Variants in ARHGEF10 observed in about 807,000 individuals in gnomAD.
ARHGEF10 encodes the protein Rho guanine nucleotide exchange factor (GEF) 10.
A neutral mutation model predicts 147.4 loss-of-function variants in ARHGEF10; 140 were observed. The ratio of observed to expected loss-of-function variants is 0.95; its 90% CI spans 0.83 to 1.09. The LOEUF is 1.09. ARHGEF10 is among the 50% of genes least tolerant of loss of function. ARHGEF10 has a pLI of 0.00. For synonymous variants in ARHGEF10, 902 were observed against 695.8 expected, an observed-to-expected ratio of 1.30 and a Z score of -4.67; for missense variants, 2,222 against 1,752.7, an observed-to-expected ratio of 1.27 and a Z score of -4.78.
At chr8:1,945,956 C>T (rs991645614) in intron 27 of ARHGEF10, 22 of 510,938 alleles carry the variant, frequency 4.3e-5, no homozygotes, top group African/African-American at 2.0e-4. Context: ...GGGTGGGAGA[C>T]GATTTCTCAT....
intron 18 of ARHGEF10, among the ~76,000 whole-genome samples, chr8:1,915,881 A>T (rs1028513218): frequency 6.6e-6 from 1 of 152,176 alleles, no homozygotes; most frequent in Non-Finnish European, 1.5e-5. Context: ...TGTATAGCTG[A>T]CCTGTGAACT....
intron 2 of ARHGEF10, among the ~76,000 whole-genome samples, chr8:1,856,741 G>A (rs1304553113): frequency 1.3e-5 from 2 of 152,170 alleles, no homozygotes; most frequent in African/African-American, 2.4e-5. Context: ...TGTGTTGGAG[G>A]GGCTTGGTTT....
intron 2 of ARHGEF10, among the ~76,000 whole-genome samples, chr8:1,845,470 G>A (rs879695639): frequency 1.3e-5 from 2 of 152,202 alleles, no homozygotes; most frequent in Admixed American, 6.5e-5. Flanking sequence ...ACATGCTGAG[G>A]AGGCGGGTAC....
intron 18 of ARHGEF10, among the ~76,000 whole-genome samples, chr8:1,911,372 A>G (rs987415488): frequency 5.3e-5 from 8 of 152,190 alleles, no homozygotes; most frequent in Middle Eastern, 3.2e-3. Flanking sequence ...TTTTTGCCCA[A>G]TGCCTTAAAC....
intron 11 of ARHGEF10, among the ~76,000 whole-genome samples, chr8:1,887,412 G>T (rs957899737): frequency 6.6e-6 from 1 of 152,208 alleles, no homozygotes; most frequent in Admixed American, 6.5e-5. Context: ...GGCGATGCCA[G>T]ACCCTGAGTG....
chr8:1,851,996 G>C (rs1418875701), intron 2 of ARHGEF10, among the ~76,000 whole-genome samples: 1 of 152,100 alleles, frequency 6.6e-6, no homozygotes, highest in African/African-American at 2.4e-5. Context: ...GAGGGGCCCT[G>C]TGGGTGTGGG....
chr8:1,900,836 C>T (rs149293866), intron 15 of ARHGEF10, among the ~76,000 whole-genome samples: 11 of 152,238 alleles, frequency 7.2e-5, no homozygotes, highest in East Asian at 1.9e-4. Context: ...CAGCTCTCCC[C>T]GTCCTCCTCC....
intron 1 of ARHGEF10, among the ~76,000 whole-genome samples, chr8:1,839,261 G>A (rs1183377580): frequency 7.1e-6 from 1 of 140,420 alleles, no homozygotes; most frequent in South Asian, 2.4e-4. Context: ...TCCGCTGTGG[G>A]TACTGTCTGG....
chr8:1,880,700 G>A (rs1037631921), intron 9 of ARHGEF10, among the ~76,000 whole-genome samples: 6 of 152,114 alleles, frequency 3.9e-5, no homozygotes, highest in East Asian at 1.9e-4. Flanking sequence ...GAGAACTGCC[G>A]GACCTGAGTG....
Position 1,928,482 on chromosome 8 carries a change from C to G in ARHGEF10, c.2753C>G (p.Ser918Cys). ...ATTGCCATCGTCTCGTTTCAAAATT[C>G]CACTCCCAAAGTCATTGAGTGCTTC... ...GQIAIVSFQNSTPKVIECFNV... is the reference protein window; with the variant it reads ...GQIAIVSFQNCTPKVIECFNV... Residue 918 changes from serine (S) to cysteine (C), a missense_variant, in exon 24 of 29, where the codon TCC (serine) becomes TGC (cysteine). Physicochemically the swap from Ser to Cys is moderately radical, Grantham distance 112. Coordinates refer to ENST00000349830, the MANE Select transcript of ARHGEF10 (RefSeq NM_014629.4). 2 of 1,569,780 alleles carry G rather than the reference C, an allele frequency of 1.3e-6. No individual in the cohort carries two copies. Among genetic ancestry groups the G allele is most frequent in the Non-Finnish European group, 1.7e-6 (2 of 1,153,410 alleles).
intron 11 of ARHGEF10, among the ~76,000 whole-genome samples, chr8:1,892,423 C>G (rs1474540161): frequency 6.6e-6 from 1 of 151,554 alleles, no homozygotes; most frequent in South Asian, 2.1e-4. Context: ...TGATTTTTGT[C>G]TTTTGCGAAT....
chr8:1,854,242 G>A (rs780455645), intron 2 of ARHGEF10, among the ~76,000 whole-genome samples: 7 of 152,114 alleles, frequency 4.6e-5, no homozygotes, highest in Non-Finnish European at 1.0e-4. Context: ...AGAGGGCGGC[G>A]CAGCCTCACC....
rs376504659 is a variant in ARHGEF10, at chr8:1,866,296, C to G, written c.546-230C>G. 3.9e-5 allele frequency among the ~76,000 whole-genome samples: 6 copies of G among 152,134 alleles called. No homozygotes were observed. In the East Asian group the frequency reaches 1.2e-3, roughly 29 times the overall value. On this transcript the variant is annotated intron_variant, in intron 5 of 28. Coordinates refer to ENST00000349830, the MANE Select transcript of ARHGEF10 (RefSeq NM_014629.4). ...GCCCTTGCCCGTGTTCTGTGCCGTG[C>G]GTAGGCCAAACATCTGGAATACTTA...
Position 1,866,740 on chromosome 8 carries a change from A to G in ARHGEF10, c.622+138A>G, listed in dbSNP as rs143081747. 148 of 902,964 alleles carry G rather than the reference A, an allele frequency of 1.6e-4. No homozygotes were observed. In the African/African-American group the frequency reaches 2.1e-3, roughly 13 times the overall value. 55.9% of individuals were successfully genotyped at this position (902,964 alleles called of 1,614,324 possible). ...ATGTTTATTTACTGAAAATAGTAACATGGGCTGACTGTGCAGAAGTTTCCC... is the reference window on the plus strand; with the variant it reads ...ATGTTTATTTACTGAAAATAGTAACGTGGGCTGACTGTGCAGAAGTTTCCC... On this transcript the variant is annotated intron_variant, in intron 6 of 28. Transcript: ENST00000349830.
intron 7 of ARHGEF10, among the ~76,000 whole-genome samples, chr8:1,874,110 C>T (rs759118955): frequency 3.9e-5 from 6 of 152,224 alleles, no homozygotes. Context: ...AATTTTAGAA[C>T]CACAAATCTG....
intron 1 of ARHGEF10, among the ~76,000 whole-genome samples, chr8:1,829,786 G>A (rs949856952): frequency 2.6e-5 from 4 of 152,162 alleles, no homozygotes; most frequent in African/African-American, 9.7e-5. Flanking sequence ...TGCATTCGTG[G>A]TCCCGAATCC....
intron 25 of ARHGEF10, among the ~76,000 whole-genome samples, chr8:1,929,802 T>C (rs1457450104): frequency 1.3e-5 from 2 of 152,178 alleles, no homozygotes; most frequent in Admixed American, 1.3e-4. Flanking sequence ...CTCCTGTACC[T>C]GGGCCAGCCC....
intron 18 of ARHGEF10, 146 bp from the exon 19 acceptor site, chr8:1,922,818 C>G (rs954939611): frequency 3.1e-6 from 2 of 635,172 alleles, no homozygotes; most frequent in South Asian, 1.9e-5. Context: ...CCACTAAATG[C>G]TTGAAAATGT....
chr8:1,912,235 G>C (rs945262978), intron 18 of ARHGEF10, among the ~76,000 whole-genome samples: 6 of 152,022 alleles, frequency 3.9e-5, no homozygotes, highest in South Asian at 4.2e-4. Flanking sequence ...CCCCGCAGAA[G>C]CGCCATGTGG....
Sources: allele counts gnomAD v4.1 joint callset (sites outside exome capture counted in the v4.1 genomes callset), GRCh38; gene constraint gnomAD v4.1.1; transcripts MANE v1.5; gene names NCBI Gene and HGNC (gene_info 2026-07-23, HGNC 2026-07-21).